KCNIP1: variants seen among roughly 807,000 people sequenced by gnomAD.
KCNIP1 encodes potassium voltage-gated channel interacting protein 1.
KCNIP1 carries 18 observed loss-of-function variants against 33.0 expected under a neutral mutation model. The observed-to-expected ratio is 0.55, with a 90% confidence interval of 0.38 to 0.81. The LOEUF (loss-of-function observed/expected upper bound fraction) is 0.81, where lower values mean the gene tolerates loss of function less well. KCNIP1 is among the 30% of genes least tolerant of loss of function. The pLI is 0.00. For missense variants in KCNIP1, 238 were observed against 271.6 expected (o/e 0.88, Z 0.87); for synonymous variants, 93 against 98.3 (o/e 0.95, Z 0.32).
intron 1 of KCNIP1, among the ~76,000 whole-genome samples, chr5:170,551,384 G>C (rs1756628336): frequency 6.6e-6 from 1 of 152,206 alleles, no homozygotes; most frequent in Non-Finnish European, 1.5e-5. Flanking sequence ...CCCCCTCCCA[G>C]AGTGGAACAC....
intron 1 of KCNIP1, among the ~76,000 whole-genome samples, chr5:170,427,780 T>C (rs772708955): frequency 6.6e-6 from 1 of 152,154 alleles, no homozygotes; most frequent in Non-Finnish European, 1.5e-5. Context: ...CAAAGGAAAG[T>C]GTGCTGCCAG....
At chr5:170,536,330 G>T (rs1755983512) in intron 1 of KCNIP1, among the ~76,000 whole-genome samples, 1 of 152,166 alleles carries the variant, frequency 6.6e-6, no homozygotes, top group African/African-American at 2.4e-5. Context: ...GCATGACCTT[G>T]CTTTCCCTGG....
intron 1 of KCNIP1, among the ~76,000 whole-genome samples, chr5:170,597,840 A>G (rs1391994128): frequency 7.5e-6 from 1 of 133,424 alleles, no homozygotes. Flanking sequence ...TGAAAGAAAG[A>G]AAGAAAAGAG....
chr5:170,716,184 A>G (rs552147057), intron 1 of KCNIP1, among the ~76,000 whole-genome samples: 1 of 152,356 alleles, frequency 6.6e-6, no homozygotes, highest in South Asian at 2.1e-4. Flanking sequence ...GTGCAGTTCA[A>G]TCAAAAGTCA....
chr5:170,603,208 G>T (rs1217159596), intron 1 of KCNIP1, among the ~76,000 whole-genome samples: 1 of 152,204 alleles, frequency 6.6e-6, no homozygotes, highest in Non-Finnish European at 1.5e-5. Context: ...TGGCAACCTG[G>T]CTCACAAGTC....
intron 1 of KCNIP1, among the ~76,000 whole-genome samples, chr5:170,366,612 A>G (rs1763667584): frequency 6.6e-6 from 1 of 152,274 alleles, no homozygotes; most frequent in Non-Finnish European, 1.5e-5. Flanking sequence ...AGTCAAGGCC[A>G]CATGGCACAG....
At chr5:170,517,124 A>AG (rs1171621482) in intron 1 of KCNIP1, among the ~76,000 whole-genome samples, 1 of 152,200 alleles carries the variant, frequency 6.6e-6, no homozygotes, top group Admixed American at 6.5e-5. Context: ...ACAGTTCTAC[A>AG]GGCTTTCCAG....
chr5:170,570,456 T>G (rs1431909424), intron 1 of KCNIP1, among the ~76,000 whole-genome samples: 1 of 151,342 alleles, frequency 6.6e-6, no homozygotes, highest in Non-Finnish European at 1.5e-5. Context: ...CCCACCCCCT[T>G]TTTTGAGTGC....
intron 1 of KCNIP1, among the ~76,000 whole-genome samples, chr5:170,559,459 G>C (rs2113449595): frequency 6.6e-6 from 1 of 152,090 alleles, no homozygotes; most frequent in South Asian, 2.1e-4. Flanking sequence ...CTACTACTTG[G>C]GATGGGCCCA....
At chr5:170,439,854 G>A (rs1342425205) in intron 1 of KCNIP1, among the ~76,000 whole-genome samples, 3 of 152,222 alleles carry the variant, frequency 2.0e-5, no homozygotes, top group Admixed American at 6.5e-5. Context: ...CAGCCTTGAG[G>A]GGGATTAGAT....
chr5:170,528,871 T>C (rs968026508), intron 1 of KCNIP1, among the ~76,000 whole-genome samples: 3 of 152,230 alleles, frequency 2.0e-5, no homozygotes, highest in African/African-American at 7.2e-5. Context: ...GGTAATGGTC[T>C]GAGTTTGAGG....
At chr5:170,454,417 G>A (rs950508218) in intron 1 of KCNIP1, among the ~76,000 whole-genome samples, 1 of 152,172 alleles carries the variant, frequency 6.6e-6, no homozygotes, top group Non-Finnish European at 1.5e-5. Context: ...AGGACTAGAG[G>A]AGTGTACCTA....
chr5:170,610,636 T>C (rs1265839945), intron 1 of KCNIP1, among the ~76,000 whole-genome samples: 1 of 152,238 alleles, frequency 6.6e-6, no homozygotes, highest in East Asian at 1.9e-4. Context: ...ATTCCCTCCC[T>C]CTGCCTCAGT....
chr5:170,564,482 T>C (rs1757140306), intron 1 of KCNIP1, among the ~76,000 whole-genome samples: 1 of 152,216 alleles, frequency 6.6e-6, no homozygotes, highest in Admixed American at 6.5e-5. Context: ...GACCGTGGCA[T>C]TGCCTCCAGG....
chr5:170,691,546 G>A (rs1416934044), intron 1 of KCNIP1, among the ~76,000 whole-genome samples: 1 of 152,156 alleles, frequency 6.6e-6, no homozygotes, highest in Non-Finnish European at 1.5e-5. Context: ...ATACTGGTAG[G>A]ATTAGTTGAA....
chr5:170,650,159 G>T (rs1760985548), intron 1 of KCNIP1, among the ~76,000 whole-genome samples: 1 of 152,080 alleles, frequency 6.6e-6, no homozygotes, highest in African/African-American at 2.4e-5. Context: ...TATAAAAAAA[G>T]ATATATTGAA....
In KCNIP1 at chr5:170,504,466, C is replaced by T. The variant is rs973025503; in HGVS notation, c.-107C>T. On this transcript the variant is annotated 5_prime_UTR_variant, in exon 1 of 8. Coordinates refer to ENST00000328939, the MANE Select transcript of KCNIP1 (RefSeq NM_014592.4). This position sits in a 1 kb window ranked among gnomAD's most constrained non-coding sequence, Gnocchi z 6.0. Reference sequence around the variant, plus strand: ...ACCAAGCTGCAGGCGAGCTGCCGGGCGCTTTTCTCTCCTCCAATTCAGAGT... The same window carrying T: ...ACCAAGCTGCAGGCGAGCTGCCGGGTGCTTTTCTCTCCTCCAATTCAGAGT... 9 of 1,565,970 alleles carry T rather than the reference C, an allele frequency of 5.7e-6. No individual in the cohort carries two copies. In the South Asian group the frequency reaches 5.8e-5, roughly 10 times the overall value.
At chr5:170,707,723 T>A (rs1763307637) in intron 1 of KCNIP1, among the ~76,000 whole-genome samples, 1 of 152,016 alleles carries the variant, frequency 6.6e-6, no homozygotes, top group South Asian at 2.1e-4. Context: ...ACACTAAATA[T>A]TGAAGAATTT....
chr5:170,552,022 AAT>A (rs1491463079), intron 1 of KCNIP1, among the ~76,000 whole-genome samples: 1 of 135,750 alleles, frequency 7.4e-6, no homozygotes, highest in Non-Finnish European at 1.6e-5. Context: ...TGTGAGAGAG[AAT>A]GTGTGTGTGT....
Sources: gnomAD v4.1 joint callset for allele counts (sites outside exome capture counted in the v4.1 genomes callset) on GRCh38, gnomAD v4.1.1 for gene constraint, Gnocchi (gnomAD v3.1) non-coding constraint, MANE v1.5 for transcripts, NCBI Gene and HGNC (gene_info 2026-07-23, HGNC 2026-07-21) for gene names.